Variants in TOX observed in about 807,000 individuals in gnomAD.
The protein encoded by TOX is thymocyte selection associated high mobility group box, also known as thymocyte selection-associated high mobility group box protein TOX.
In TOX, 11 loss-of-function variants were observed where a neutral mutation model predicts 53.7. The ratio of observed to expected loss-of-function variants is 0.20; its 90% CI spans 0.13 to 0.34. The LOEUF is 0.34. TOX is among the 10% of genes least tolerant of loss of function. The probability of loss-of-function intolerance (pLI) is 1.00; values close to 1 mark genes in which losing one functional copy is unlikely to be tolerated. For synonymous variants in TOX, 225 were observed against 245.3 expected (o/e 0.92, Z 0.77); for missense variants, 570 against 664.6 (o/e 0.86, Z 1.56).
At chr8:59,076,813 T>C (rs1451210904) in intron 1 of TOX, among the ~76,000 whole-genome samples, 1 of 152,214 alleles carries the variant, frequency 6.6e-6, no homozygotes, top group Non-Finnish European at 1.5e-5. Flanking sequence ...TATTTAATTA[T>C]ATTTTGCCTT....
Position 59,118,611 on chromosome 8 carries a change from G to A in TOX, c.102+275C>T, listed in dbSNP as rs573293603. 6.6e-6 allele frequency among the ~76,000 whole-genome samples: 1 copy of A among 152,146 alleles called. No individual in the cohort carries two copies. Among genetic ancestry groups the A allele is most frequent in the South Asian group, 2.1e-4 (1 of 4,826 alleles). On this transcript the variant is annotated intron_variant, in intron 1 of 8. Transcript: ENST00000361421. This position sits in a 1 kb window ranked among gnomAD's most constrained non-coding sequence, Gnocchi z 4.1. ...CTTATTATTTTTTTAAACGCCCCCCGGCAAACCTAGGCAGGGATCCTTAGC... is the reference window on the plus strand; with the variant it reads ...CTTATTATTTTTTTAAACGCCCCCCAGCAAACCTAGGCAGGGATCCTTAGC...
chr8:58,930,790 G>A (rs1812243028), intron 3 of TOX, among the ~76,000 whole-genome samples: 1 of 152,068 alleles, frequency 6.6e-6, no homozygotes, highest in African/African-American at 2.4e-5. Context: ...TCTTTATCCA[G>A]GTTCTGTGCT....
intron 1 of TOX, among the ~76,000 whole-genome samples, chr8:59,093,462 G>A (rs2129423959): frequency 6.6e-6 from 1 of 152,270 alleles, no homozygotes; most frequent in African/African-American, 2.4e-5. Flanking sequence ...TATCTGACAT[G>A]GCCTAACTGC....
chr8:59,051,092 A>T (rs1343957291), intron 1 of TOX, among the ~76,000 whole-genome samples: 1 of 152,142 alleles, frequency 6.6e-6, no homozygotes, highest in Non-Finnish European at 1.5e-5. Flanking sequence ...ACACAAAATG[A>T]AGGGCTGCTG....
At chr8:58,965,599 A>T (rs1289120619) in intron 1 of TOX, among the ~76,000 whole-genome samples, 1 of 152,186 alleles carries the variant, frequency 6.6e-6, no homozygotes, top group East Asian at 1.9e-4. Context: ...CATTAAAAGA[A>T]AATCAGAAAA....
At chr8:58,941,389 G>C (rs1437744849) in intron 2 of TOX, among the ~76,000 whole-genome samples, 1 of 152,164 alleles carries the variant, frequency 6.6e-6, no homozygotes, top group East Asian at 1.9e-4. Flanking sequence ...AGAGAAAATT[G>C]AGACTCAGAA....
In TOX at chr8:59,021,499, T is replaced by TATATATAC. The variant is rs1554539851; in HGVS notation, c.103-61492_103-61491insGTATATAT. Among the ~76,000 whole-genome samples the TATATATAC allele has an allele frequency of 3.5e-4, 38 of 109,640 alleles. 1 individual carries two copies. Among genetic ancestry groups the TATATATAC allele is most frequent in the South Asian group, 5.5e-4 (2 of 3,646 alleles). The allele number at this position is 109,640 out of a possible 152,430, so 71.9% of individuals were successfully genotyped here. A position where few individuals can be genotyped will look rare whatever the true frequency, so the allele number is the denominator to read the frequency against. On this transcript the variant is annotated intron_variant, in intron 1 of 8. Transcript: ENST00000361421. Reference sequence around the variant, plus strand: ...AAAAAAAAATATATATATATATATATGCACATATATACAATGTCAGATATA... The same window carrying TATATATAC: ...AAAAAAAAATATATATATATATATATATATATACGCACATATATACAATGTCAGATATA...
At chr8:58,909,748 C>G (rs1811879498) in intron 3 of TOX, among the ~76,000 whole-genome samples, 2 of 151,768 alleles carry the variant, frequency 1.3e-5, no homozygotes, top group Admixed American at 1.3e-4. Flanking sequence ...ACCTCCACCT[C>G]CTGGGTTCAA....
At chr8:58,822,685 A>G (rs982278916) in intron 6 of TOX, among the ~76,000 whole-genome samples, 12 of 152,224 alleles carry the variant, frequency 7.9e-5, no homozygotes, top group African/African-American at 2.9e-4. Flanking sequence ...CAATTAAGTG[A>G]GGGCAGCTTT....
chr8:59,076,145 C>A (rs2129422894), intron 1 of TOX, among the ~76,000 whole-genome samples: 1 of 152,258 alleles, frequency 6.6e-6, no homozygotes, highest in South Asian at 2.1e-4. Flanking sequence ...CAGTACACAT[C>A]CAAGAGAATC....
chr8:59,056,757 C>G (rs917985619), intron 1 of TOX, among the ~76,000 whole-genome samples: 12 of 152,198 alleles, frequency 7.9e-5, no homozygotes, highest in African/African-American at 2.9e-4. Context: ...AAAAAACCAA[C>G]TGTGCATGCT....
At chr8:59,093,036 G>A (rs1164153336) in intron 1 of TOX, among the ~76,000 whole-genome samples, 1 of 152,168 alleles carries the variant, frequency 6.6e-6, no homozygotes, top group Non-Finnish European at 1.5e-5. Context: ...GAGTATTGTC[G>A]GGAAGTGGAA....
At chr8:58,981,705 G>A (rs1813208748) in intron 1 of TOX, among the ~76,000 whole-genome samples, 1 of 151,806 alleles carries the variant, frequency 6.6e-6, no homozygotes, top group South Asian at 2.1e-4. Context: ...TTCTCTTACT[G>A]CACAGAAAAG....
At chr8:58,996,730 C>G (rs1398945292) in intron 1 of TOX, among the ~76,000 whole-genome samples, 2 of 152,124 alleles carry the variant, frequency 1.3e-5, no homozygotes, top group Non-Finnish European at 2.9e-5. Context: ...AATTTCTAGC[C>G]ACATTTATGC....
At chr8:58,929,938 G>T (rs117682984) in intron 3 of TOX, among the ~76,000 whole-genome samples, 1 of 152,014 alleles carries the variant, frequency 6.6e-6, no homozygotes. Context: ...AAAATAAATG[G>T]ATTTATCTAA....
rs181820550 is a variant in TOX at position 59,074,161 on chromosome 8, A to G, written c.102+44725T>C. Among the ~76,000 whole-genome samples, 3 of 152,308 alleles carry G rather than the reference A, an allele frequency of 2.0e-5. No individual in the cohort carries two copies. The East Asian group carries it at 5.8e-4, about 29-fold the overall frequency. ...TGCTGTCTATCTGTTCTCTGAACAA[A>G]TATCTATTAAGCTTCAATTGAAGAG... On this transcript the variant is annotated intron_variant, in intron 1 of 8. Coordinates refer to ENST00000361421, the MANE Select transcript of TOX (RefSeq NM_014729.3).
At chr8:59,053,795 G>C (rs1247054685) in intron 1 of TOX, among the ~76,000 whole-genome samples, 1 of 152,140 alleles carries the variant, frequency 6.6e-6, no homozygotes, top group Non-Finnish European at 1.5e-5. Flanking sequence ...AAAAAAAGGA[G>C]AATTGTCTAA....
intron 1 of TOX, among the ~76,000 whole-genome samples, chr8:59,031,026 GA>G (rs953329799): frequency 1.3e-5 from 2 of 152,090 alleles, no homozygotes; most frequent in Non-Finnish European, 2.9e-5. Flanking sequence ...CATATGCAGA[GA>G]AAAAATTATT....
At chr8:58,880,300 C>T (rs1402732773) in intron 3 of TOX, among the ~76,000 whole-genome samples, 1 of 152,192 alleles carries the variant, frequency 6.6e-6, no homozygotes, top group Admixed American at 6.5e-5. Context: ...GGTTATTTAA[C>T]ATCCTTGAGC....
Sources: gnomAD v4.1 joint callset for allele counts (sites outside exome capture counted in the v4.1 genomes callset) on GRCh38, gnomAD v4.1.1 for gene constraint, Gnocchi (gnomAD v3.1) non-coding constraint, MANE v1.5 for transcripts, NCBI Gene and HGNC (gene_info 2026-07-23, HGNC 2026-07-21) for gene names.